Variants in ZMYND19 observed in about 807,000 individuals in gnomAD.
ZMYND19 encodes zinc finger MYND domain-containing protein 19.
Under a neutral mutation model 32.0 loss-of-function variants are expected in ZMYND19, and 17 were observed. The ratio of observed to expected loss-of-function variants is 0.53; its 90% CI spans 0.36 to 0.80. ZMYND19 has a LOEUF of 0.80. ZMYND19 is among the 30% of genes least tolerant of loss of function. The pLI is 0.00. For missense variants in ZMYND19, 250 were observed against 293.6 expected, an observed-to-expected ratio of 0.85 and a Z score of 1.09; for synonymous variants, 124 against 113.6, an observed-to-expected ratio of 1.09 and a Z score of -0.58.
At chr9:137,584,448 G>C (rs778049460) in intron 4 of ZMYND19, among the ~76,000 whole-genome samples, 1 of 152,212 alleles carries the variant, frequency 6.6e-6, no homozygotes, top group Non-Finnish European at 1.5e-5. Context: ...TGATTATAAA[G>C]GGTGCTGAGA....
chr9:137,590,019 G>T lies in ZMYND19; in HGVS notation c.51+194C>A, dbSNP rs974117642. 1.8e-4 allele frequency: 182 copies of T among 984,970 alleles called. No homozygotes were observed. The highest frequency in any genetic ancestry group is 2.1e-4 in the Non-Finnish European group (176 of 829,728). 61.0% of individuals were successfully genotyped at this position (984,970 alleles called of 1,614,324 possible). ...TGCACCCCAGAGCCGAGGGGTGCGT[G>T]CCCGCCGGCCTGCGAGAGGAAGCTG... On this transcript the variant is annotated intron_variant, in intron 1 of 5. Coordinates refer to ENST00000298585, the MANE Select transcript of ZMYND19 (RefSeq NM_138462.3). This position sits in a 1 kb window ranked among gnomAD's most constrained non-coding sequence, Gnocchi z 4.2.
In ZMYND19 at chr9:137,582,267, TC is replaced by T. The variant is rs895639259; in HGVS notation, c.*275del. 2.0e-5 allele frequency: 7 copies of T among 342,472 alleles called. No individual in the cohort carries two copies. Among genetic ancestry groups the T allele is most frequent in the African/African-American group, 4.3e-5 (2 of 46,920 alleles). 21.2% of individuals were successfully genotyped at this position (342,472 alleles called of 1,614,324 possible). A position where few individuals can be genotyped will look rare whatever the true frequency, so the allele number is the denominator to read the frequency against. ...TGTAATTTCTACCCTTCCCATTGCC[TC>T]CCCCCCAAAAAAAACTGTACATGAG... On this transcript the variant is annotated 3_prime_UTR_variant, in exon 6 of 6. Coordinates refer to ENST00000298585, the MANE Select transcript of ZMYND19 (RefSeq NM_138462.3).
intron 3 of ZMYND19, 115 bp from the exon 4 acceptor site, chr9:137,587,222 T>C: frequency 1.3e-6 from 2 of 1,495,172 alleles, no homozygotes; most frequent in South Asian, 2.6e-5. Flanking sequence ...CCATGTGATC[T>C]GATCGGGCCC....
chr9:137,590,131 G>A lies in ZMYND19; in HGVS notation c.51+82C>T. On this transcript the variant is annotated intron_variant, in intron 1 of 5. Transcript: ENST00000298585. This position sits in a 1 kb window ranked among gnomAD's most constrained non-coding sequence, Gnocchi z 4.2. The stretch of plus-strand genomic sequence containing the variant: ...CGGGCTCCGCGCCCCCGCCCCGGCC[G>A]CCGCCCGCACAACCGCCCCCGGCCC... 1 of 960,040 alleles carries A rather than the reference G, an allele frequency of 1.0e-6. No homozygotes were observed. Among genetic ancestry groups the A allele is most frequent in the Non-Finnish European group, 1.2e-6 (1 of 824,430 alleles). The allele number at this position is 960,040 out of a possible 1,614,324, so 59.5% of individuals were successfully genotyped here. A position where few individuals can be genotyped will look rare whatever the true frequency, so the allele number is the denominator to read the frequency against.
intron 1 of ZMYND19, chr9:137,589,645 C>G: frequency 1.0e-6 from 1 of 985,472 alleles, no homozygotes. Context: ...CATCAGGGCC[C>G]AGGCTTCTTC....
chr9:137,589,319 G>A (rs1398741298), intron 1 of ZMYND19: 3 of 984,842 alleles, frequency 3.0e-6, no homozygotes, highest in Non-Finnish European at 3.6e-6. Context: ...TGCTCTTGCA[G>A]CAGGGGCAGG....
At chr9:137,586,246 C>T (rs983484825) in intron 4 of ZMYND19, among the ~76,000 whole-genome samples, 4 of 152,124 alleles carry the variant, frequency 2.6e-5, no homozygotes, top group Non-Finnish European at 5.9e-5. Context: ...TCTGTGTGCA[C>T]AGAAAAGAAT....
At chr9:137,589,304 G>C in intron 1 of ZMYND19, 1 of 983,756 alleles carries the variant, frequency 1.0e-6, no homozygotes, top group Non-Finnish European at 1.2e-6. Context: ...AGCAGGCCCT[G>C]CCTATGCTCT....
At chr9:137,589,653 T>C in intron 1 of ZMYND19, 1 of 985,460 alleles carries the variant, frequency 1.0e-6, no homozygotes, top group Non-Finnish European at 1.2e-6. Context: ...CCCAGGCTTC[T>C]TCCTCTCTGC....
intron 5 of ZMYND19, 76 bp downstream of exon 5, chr9:137,582,907 G>T: frequency 6.3e-7 from 1 of 1,575,160 alleles, no homozygotes; most frequent in Non-Finnish European, 8.6e-7. Flanking sequence ...CCCCGCGGTG[G>T]AGGGCAAGAT....
At chr9:137,583,786 AT>A (rs1317048999) in intron 4 of ZMYND19, among the ~76,000 whole-genome samples, 1 of 152,264 alleles carries the variant, frequency 6.6e-6, no homozygotes, top group Non-Finnish European at 1.5e-5. Context: ...ACATGGGAAG[AT>A]GTTGGTGAGG....
At chr9:137,585,175 C>A (rs1263955497) in intron 4 of ZMYND19, among the ~76,000 whole-genome samples, 1 of 152,106 alleles carries the variant, frequency 6.6e-6, no homozygotes, top group Non-Finnish European at 1.5e-5. Flanking sequence ...GTAATCCCAG[C>A]ACTTTGGGAG....
Position 137,582,881 on chromosome 9 carries a change from T to A in ZMYND19, c.540+102A>T, listed in dbSNP as rs1350042668. ...GAAAAGCCCAAGAGGTGCTAAGCGGTCTCTGGGGAATGGGACCCCGCGGTG... is the reference window on the plus strand; with the variant it reads ...GAAAAGCCCAAGAGGTGCTAAGCGGACTCTGGGGAATGGGACCCCGCGGTG... On this transcript the variant is annotated intron_variant, in intron 5 of 5. Coordinates refer to ENST00000298585, the MANE Select transcript of ZMYND19 (RefSeq NM_138462.3). 3.9e-6 allele frequency: 6 copies of A among 1,540,246 alleles called. No individual in the cohort carries two copies. In the Admixed American group the frequency reaches 5.4e-5, roughly 14 times the overall value.
At chr9:137,584,070 G>A (rs753150527) in intron 4 of ZMYND19, among the ~76,000 whole-genome samples, 28 of 152,248 alleles carry the variant, frequency 1.8e-4, no homozygotes, top group Non-Finnish European at 3.8e-4. Flanking sequence ...ATCACAGGAG[G>A]CCACAGACCA....
intron 4 of ZMYND19, among the ~76,000 whole-genome samples, chr9:137,584,977 CAACT>C (rs908541343): frequency 2.2e-4 from 33 of 152,162 alleles, no homozygotes; most frequent in Non-Finnish European, 4.4e-5. Flanking sequence ...CCCAAAGTTC[CAACT>C]AACATAATCC....
intron 1 of ZMYND19, chr9:137,589,272 G>T (rs1258702037): frequency 1.2e-5 from 11 of 947,694 alleles, no homozygotes; most frequent in Non-Finnish European, 1.4e-5. Flanking sequence ...ACCCTTCCCT[G>T]GTGGAAAAAA....
chr9:137,582,485 C>G lies in ZMYND19; in HGVS notation c.*58G>C. 1 of 1,571,914 alleles carries G rather than the reference C, an allele frequency of 6.4e-7. No homozygotes were observed. Among genetic ancestry groups the G allele is most frequent in the Non-Finnish European group, 8.6e-7 (1 of 1,158,654 alleles). On this transcript the variant is annotated 3_prime_UTR_variant, in exon 6 of 6. Coordinates refer to ENST00000298585, the MANE Select transcript of ZMYND19 (RefSeq NM_138462.3). ...CCTCCAGGTTCAACCACCAGTCTGTCTCTGCTGTGCCCAGGGTAGAGCCCG... is the reference window on the plus strand; with the variant it reads ...CCTCCAGGTTCAACCACCAGTCTGTGTCTGCTGTGCCCAGGGTAGAGCCCG...
In ZMYND19 at chr9:137,586,151, C is replaced by T. The variant is rs570576670; in HGVS notation, c.359+816G>A. ...TCAGGATCACAGGCAGGTCGGGGGC[C>T]GAGGGCTGAGCCCTGAACCATTCTC... On this transcript the variant is annotated intron_variant, in intron 4 of 5. Coordinates refer to ENST00000298585, the MANE Select transcript of ZMYND19 (RefSeq NM_138462.3). 3.9e-4 allele frequency among the ~76,000 whole-genome samples: 60 copies of T among 152,366 alleles called. 2 individuals are homozygous for T. In the South Asian group the frequency reaches 0.011, roughly 29 times the overall value.
chr9:137,588,744 T>A (rs1436820866), intron 1 of ZMYND19, 26 bp from the exon 2 acceptor site: 4 of 1,614,002 alleles, frequency 2.5e-6, no homozygotes, highest in Non-Finnish European at 3.4e-6. Flanking sequence ...ATGTTTCAAA[T>A]CATTACATTT....
Sources: allele counts gnomAD v4.1 joint callset (sites outside exome capture counted in the v4.1 genomes callset), GRCh38; gene constraint gnomAD v4.1.1; non-coding constraint Gnocchi (gnomAD v3.1); transcripts MANE v1.5; gene names NCBI Gene and HGNC (gene_info 2026-07-23, HGNC 2026-07-21).